The following TMEM132D variants were observed in gnomAD, a reference collection of about 807,000 sequenced individuals.
The protein encoded by TMEM132D is transmembrane protein 132D, also known as mature OL transmembrane protein.
In TMEM132D, 21 loss-of-function variants were observed where a neutral mutation model predicts 62.3. That is an observed-to-expected ratio of 0.34 (90% CI 0.24 to 0.49). TMEM132D has a LOEUF of 0.49. TMEM132D is among the 20% of genes least tolerant of loss of function. The probability of loss-of-function intolerance (pLI) is 0.99; values close to 1 mark genes in which losing one functional copy is unlikely to be tolerated. For synonymous variants in TMEM132D, 621 were observed against 575.6 expected, an observed-to-expected ratio of 1.08 and a Z score of -1.13; for missense variants, 1,346 against 1,402.8, an observed-to-expected ratio of 0.96 and a Z score of 0.65.
Position 129,459,597 on chromosome 12 carries a change from T to C in TMEM132D, c.1115+71462A>G, listed in dbSNP as rs543879096. On this transcript the variant is annotated intron_variant, in intron 3 of 8. Coordinates refer to ENST00000422113, the MANE Select transcript of TMEM132D (RefSeq NM_133448.3). ...AAGTGGCCAGGAGCAAGGCTCTGTG[T>C]TCAAGTTAGTGTTTCTGAATTTTAA... 5.3e-5 allele frequency among the ~76,000 whole-genome samples: 8 copies of C among 152,314 alleles called. No homozygotes were observed. The East Asian group carries it at 1.2e-3, about 22-fold the overall frequency.
chr12:129,112,101 T>C (rs187822007), intron 5 of TMEM132D, among the ~76,000 whole-genome samples: 8 of 152,320 alleles, frequency 5.3e-5, no homozygotes, highest in Non-Finnish European at 8.8e-5. Context: ...TGCTAGTCAA[T>C]ATCCTTTTAA....
intron 1 of TMEM132D, among the ~76,000 whole-genome samples, chr12:129,804,964 C>G (rs1042456744): frequency 7.9e-6 from 1 of 127,082 alleles, no homozygotes; most frequent in Non-Finnish European, 1.7e-5. Flanking sequence ...GAATAAAATA[C>G]CTAGGAATCC....
intron 2 of TMEM132D, among the ~76,000 whole-genome samples, chr12:129,623,619 AG>A (rs1339443555): frequency 5.3e-5 from 8 of 150,976 alleles, no homozygotes; most frequent in Non-Finnish European, 1.0e-4. Context: ...TTTATGGCTG[AG>A]TAGTATTCCA....
At chr12:129,785,781 A>G (rs923315507) in intron 1 of TMEM132D, among the ~76,000 whole-genome samples, 1 of 152,202 alleles carries the variant, frequency 6.6e-6, no homozygotes, top group Non-Finnish European at 1.5e-5. Flanking sequence ...AGCCTGAGCT[A>G]TCTTATACAA....
chr12:129,147,908 C>A lies in TMEM132D; in HGVS notation c.1443+61612G>T, dbSNP rs533877364. Among the ~76,000 whole-genome samples, 35 of 152,332 alleles carry A rather than the reference C, an allele frequency of 2.3e-4. No individual in the cohort carries two copies. In the South Asian group the frequency reaches 6.4e-3, roughly 28 times the overall value. The stretch of plus-strand genomic sequence containing the variant: ...ATGAACTGACGAATCTGGCCTAAAC[C>A]AACTTTCGTGTGATGGCTTCAAAAT... On this transcript the variant is annotated intron_variant, in intron 5 of 8. Transcript: ENST00000422113.
At chr12:129,720,319 C>T (rs1868775602) in intron 1 of TMEM132D, among the ~76,000 whole-genome samples, 1 of 152,218 alleles carries the variant, frequency 6.6e-6, no homozygotes, top group African/African-American at 2.4e-5. Context: ...AGAGGCAGAA[C>T]ATTCCCATTC....
intron 2 of TMEM132D, among the ~76,000 whole-genome samples, chr12:129,538,222 C>T (rs1247212678): frequency 1.3e-5 from 2 of 152,130 alleles, no homozygotes; most frequent in Non-Finnish European, 2.9e-5. Context: ...AAAAAAACTC[C>T]CGAACTTCCA....
At chr12:129,344,249 T>A (rs373055277) in intron 3 of TMEM132D, among the ~76,000 whole-genome samples, 52 of 152,202 alleles carry the variant, frequency 3.4e-4, no homozygotes, top group African/African-American at 1.2e-3. Context: ...TCCTGTAACA[T>A]ATTTCTGGTG....
At position 129,425,406 on chromosome 12, in the gene TMEM132D, CT is replaced by C. The variant is rs5801854; in HGVS notation, c.1116-87590del. Among the ~76,000 whole-genome samples the C allele has an allele frequency of 5.0e-3, 697 of 138,986 alleles. 3 individuals are homozygous for C. Among genetic ancestry groups the C allele is most frequent in the African/African-American group, 0.015 (588 of 39,822 alleles). 91.2% of individuals were successfully genotyped at this position (138,986 alleles called of 152,430 possible). A position where few individuals can be genotyped will look rare whatever the true frequency, so the allele number is the denominator to read the frequency against. The stretch of plus-strand genomic sequence containing the variant: ...GCTCCTGTTTCCCCAGATGCTTGCA[CT>C]TTTTTTTTTTTTCTAATCTCTGCTT... On this transcript the variant is annotated intron_variant, in intron 3 of 8. Coordinates refer to ENST00000422113, the MANE Select transcript of TMEM132D (RefSeq NM_133448.3).
chr12:129,736,834 T>A (rs1869443382), intron 1 of TMEM132D, among the ~76,000 whole-genome samples: 1 of 136,008 alleles, frequency 7.4e-6, no homozygotes, highest in Non-Finnish European at 1.6e-5. Flanking sequence ...TTTTTTTTTC[T>A]GAGACAGAGT....
chr12:129,488,826 TAA>T (rs1445593455), intron 3 of TMEM132D, among the ~76,000 whole-genome samples: 9 of 143,618 alleles, frequency 6.3e-5, no homozygotes, highest in Admixed American at 7.0e-5. Flanking sequence ...TTTGCATGGT[TAA>T]AAAAAAAAAA....
intron 1 of TMEM132D, among the ~76,000 whole-genome samples, chr12:129,816,647 GAAGA>G (rs1328197660): frequency 2.0e-5 from 3 of 152,140 alleles, no homozygotes; most frequent in Non-Finnish European, 2.9e-5. Context: ...AGATGAAATG[GAAGA>G]AAGATCTATT....
intron 4 of TMEM132D, among the ~76,000 whole-genome samples, chr12:129,279,265 A>G (rs1469291355): frequency 6.6e-6 from 1 of 152,228 alleles, no homozygotes; most frequent in Admixed American, 6.5e-5. Flanking sequence ...CTCTTGGAGG[A>G]TAACAGTCAG....
chr12:129,320,582 G>A (rs371127579), intron 4 of TMEM132D, among the ~76,000 whole-genome samples: 2 of 152,328 alleles, frequency 1.3e-5, no homozygotes, highest in East Asian at 3.9e-4. Flanking sequence ...TGTTTGCCAT[G>A]TGAAGTATTC....
chr12:129,330,109 A>G (rs1435465245), intron 4 of TMEM132D, among the ~76,000 whole-genome samples: 1 of 152,194 alleles, frequency 6.6e-6, no homozygotes. Flanking sequence ...TAAGGAGGGA[A>G]GAGATTCCTT....
At chr12:129,646,711 T>C (rs1879787696) in intron 2 of TMEM132D, among the ~76,000 whole-genome samples, 1 of 152,140 alleles carries the variant, frequency 6.6e-6, no homozygotes, top group Non-Finnish European at 1.5e-5. Flanking sequence ...TGCGTGTATA[T>C]ATACAATATG....
chr12:129,530,016 A>G (rs766036391), intron 3 of TMEM132D, among the ~76,000 whole-genome samples: 1 of 152,194 alleles, frequency 6.6e-6, no homozygotes, highest in Non-Finnish European at 1.5e-5. Context: ...CATTTGCTGT[A>G]CAAGCAAATC....
At chr12:129,536,919 G>C (rs1318230147) in intron 2 of TMEM132D, among the ~76,000 whole-genome samples, 1 of 152,126 alleles carries the variant, frequency 6.6e-6, no homozygotes, top group Non-Finnish European at 1.5e-5. Flanking sequence ...CCATGTGGGA[G>C]GCCGAGGTGG....
At chr12:129,120,281 A>G (rs1876018767) in intron 5 of TMEM132D, among the ~76,000 whole-genome samples, 1 of 152,204 alleles carries the variant, frequency 6.6e-6, no homozygotes, top group African/African-American at 2.4e-5. Context: ...AGATGCTAAC[A>G]TTAGAGGGTC....
Sources: gnomAD v4.1 joint callset for allele counts (sites outside exome capture counted in the v4.1 genomes callset) on GRCh38, gnomAD v4.1.1 for gene constraint, MANE v1.5 for transcripts, NCBI Gene and HGNC (gene_info 2026-07-23, HGNC 2026-07-21) for gene names.